The following COPZ1 variants were observed in gnomAD, a reference collection of about 807,000 sequenced individuals.
The protein encoded by COPZ1 is coatomer subunit zeta-1.
Under a neutral mutation model 31.7 loss-of-function variants are expected in COPZ1, and 4 were observed. The observed-to-expected ratio is 0.13, with a 90% CI of 0.06 to 0.29. The LOEUF is 0.29. COPZ1 is among the 10% of genes least tolerant of loss of function. The pLI, the probability that COPZ1 is intolerant of heterozygous loss-of-function variation, is 1.00. For missense variants in COPZ1, 156 were observed against 211.5 expected (o/e 0.74, Z 1.63); for synonymous variants, 74 against 79.0 (o/e 0.94, Z 0.33).
At chr12:54,346,666 G>T (rs1954070147) in intron 5 of COPZ1, 2 of 701,622 alleles carry the variant, frequency 2.9e-6, no homozygotes, top group African/African-American at 1.8e-5. Context: ...GACAAGCTTG[G>T]GCAACACAGT....
At chr12:54,338,080 T>G (rs1316494731) in intron 1 of COPZ1, among the ~76,000 whole-genome samples, 1 of 152,192 alleles carries the variant, frequency 6.6e-6, no homozygotes, top group Admixed American at 6.5e-5. Flanking sequence ...GTTCTAGGGA[T>G]GCCAAACTCT....
At chr12:54,325,577 C>G (rs1953616385) in intron 1 of COPZ1, 1 of 174,574 alleles carries the variant, frequency 5.7e-6, no homozygotes, top group Admixed American at 5.5e-5. Context: ...TCGTTACAGA[C>G]TCCTCCTGAT....
intron 1 of COPZ1, among the ~76,000 whole-genome samples, chr12:54,338,531 T>A (rs554615789): frequency 6.6e-6 from 1 of 152,338 alleles, no homozygotes; most frequent in South Asian, 2.1e-4. Flanking sequence ...AAGGAGTGTT[T>A]ATCAGAGGAG....
intron 1 of COPZ1, 39 bp downstream of exon 1, chr12:54,325,220 A>C (rs1953606917): frequency 1.3e-6 from 2 of 1,550,622 alleles, no homozygotes; most frequent in African/African-American, 2.7e-5. Flanking sequence ...TGTGGTGTCC[A>C]CAGGGGCCGG....
chr12:54,325,756 T>G (rs1045912407), intron 1 of COPZ1: 1 of 152,788 alleles, frequency 6.5e-6, no homozygotes, highest in African/African-American at 2.4e-5. Context: ...TGGAATATTT[T>G]TTCTAGACTC....
chr12:54,349,269 A>T (rs1454413059), intron 7 of COPZ1, among the ~76,000 whole-genome samples: 1 of 152,000 alleles, frequency 6.6e-6, no homozygotes, highest in Non-Finnish European at 1.5e-5. Context: ...TTCCCTAGTG[A>T]TACTGATATT....
intron 5 of COPZ1, 109 bp downstream of exon 5, chr12:54,345,624 AG>A: frequency 1.1e-6 from 1 of 882,528 alleles, no homozygotes; most frequent in East Asian, 2.6e-5. Flanking sequence ...CAGGGATTGT[AG>A]GGGATTGGCA....
intron 2 of COPZ1, among the ~76,000 whole-genome samples, chr12:54,341,451 A>C (rs927308433): frequency 6.6e-6 from 1 of 152,226 alleles, no homozygotes; most frequent in Non-Finnish European, 1.5e-5. Flanking sequence ...AGCGTAGCAT[A>C]AATCAATCAG....
intron 1 of COPZ1, among the ~76,000 whole-genome samples, chr12:54,338,264 C>T (rs1024151327): frequency 2.0e-5 from 3 of 152,190 alleles, no homozygotes; most frequent in African/African-American, 7.2e-5. Flanking sequence ...TTCTTTTCTT[C>T]CATTAAGAAA....
At chr12:54,337,897 T>G (rs1036987189) in intron 1 of COPZ1, among the ~76,000 whole-genome samples, 16 of 152,214 alleles carry the variant, frequency 1.1e-4, no homozygotes, top group African/African-American at 3.9e-4. Flanking sequence ...TTTTGGGGTT[T>G]CTTTGATAAT....
chr12:54,336,914 C>G (rs1032049631), intron 1 of COPZ1, among the ~76,000 whole-genome samples: 1 of 149,166 alleles, frequency 6.7e-6, no homozygotes, highest in African/African-American at 2.5e-5. Context: ...CCCAGCTACC[C>G]GGGAGGCTGA....
chr12:54,326,124 A>AATAATAATTATTATTATT (rs1555152047), intron 1 of COPZ1, among the ~76,000 whole-genome samples: 2 of 139,164 alleles, frequency 1.4e-5, no homozygotes, highest in African/African-American at 5.3e-5. Flanking sequence ...CCTGGCCAGG[A>AATAATAATTATTATTATT]ATTATTATTA....
rs78080441 is a variant in COPZ1, at chr12:54,339,409, G to A, written c.19-1138G>A. On this transcript the variant is annotated intron_variant, in intron 1 of 8. Transcript: ENST00000262061. ...GTCACCCAGCCTGGAGTGCAGTGGCGCAGTCCTAGCTCAGCGTGGTCTTAA... is the reference window on the plus strand; with the variant it reads ...GTCACCCAGCCTGGAGTGCAGTGGCACAGTCCTAGCTCAGCGTGGTCTTAA... 6.6e-3 allele frequency among the ~76,000 whole-genome samples: 1,008 copies of A among 152,192 alleles called. 22 individuals are homozygous for A. The highest frequency in any genetic ancestry group is 0.023 in the African/African-American group (968 of 41,536).
At chr12:54,345,403 G>T in intron 4 of COPZ1, 57 bp from the exon 5 acceptor site, 1 of 1,346,320 alleles carries the variant, frequency 7.4e-7, no homozygotes, top group Non-Finnish European at 1.1e-6. Flanking sequence ...TTTGTTTTTA[G>T]GTAGCAGCTT....
rs60827109 is a variant in COPZ1 at position 54,326,961 on chromosome 12, C to CTTTT, written c.18+1814_18+1817dup. On this transcript the variant is annotated intron_variant, in intron 1 of 8. Transcript: ENST00000262061. ...CTGTACCAAGCAGTTAACAAGTATT[C>CTTTT]TTTTTTTTTTTTTTTTTTTTTTTTT... 2.1e-4 allele frequency among the ~76,000 whole-genome samples: 9 copies of CTTTT among 43,568 alleles called. 4 individuals carry two copies. Among genetic ancestry groups the CTTTT allele is most frequent in the African/African-American group, 4.0e-4 (4 of 10,016 alleles). The allele number at this position is 43,568 out of a possible 152,430, so 28.6% of individuals were successfully genotyped here. A position where few individuals can be genotyped will look rare whatever the true frequency, so the allele number is the denominator to read the frequency against.
intron 2 of COPZ1, among the ~76,000 whole-genome samples, chr12:54,341,503 G>A (rs1191663955): frequency 1.3e-5 from 2 of 152,180 alleles, no homozygotes; most frequent in African/African-American, 4.8e-5. Context: ...GTTCCTCCCT[G>A]TAATTGGATG....
At chr12:54,326,184 G>T (rs34280607) in intron 1 of COPZ1, among the ~76,000 whole-genome samples, 3,071 of 145,442 alleles carry the variant, frequency 0.021, 34 homozygotes, top group Non-Finnish European at 0.031. Flanking sequence ...CTGTCGCCCA[G>T]GCTGGAGTGC....
chr12:54,329,569 ACT>A (rs1315882277), intron 1 of COPZ1, among the ~76,000 whole-genome samples: 1 of 151,764 alleles, frequency 6.6e-6, no homozygotes, highest in Non-Finnish European at 1.5e-5. Flanking sequence ...AAAAAGTGAA[ACT>A]CTGTCTTAAA....
At chr12:54,333,943 A>G (rs1007775185) in intron 1 of COPZ1, among the ~76,000 whole-genome samples, 16 of 152,194 alleles carry the variant, frequency 1.1e-4, no homozygotes, top group Middle Eastern at 3.4e-3. Context: ...GTGTATACAG[A>G]AATAATTAGC....
Sources: allele counts gnomAD v4.1 joint callset (sites outside exome capture counted in the v4.1 genomes callset), GRCh38; gene constraint gnomAD v4.1.1; transcripts MANE v1.5; gene names NCBI Gene and HGNC (gene_info 2026-07-23, HGNC 2026-07-21).